CLDN14: variants seen among roughly 807,000 people sequenced by gnomAD.
The protein encoded by CLDN14 is claudin 14.
A neutral mutation model predicts 2.1 loss-of-function variants in CLDN14; 2 were observed. The observed-to-expected ratio is 0.96, with a 90% CI of 0.39 to 3.01. CLDN14 has a LOEUF of 3.01. CLDN14 is among the 30% of genes most tolerant of loss of function. The pLI is 0.09. For missense variants in CLDN14, 298 were observed against 328.0 expected, an observed-to-expected ratio of 0.91 and a Z score of 0.71; for synonymous variants, 136 against 154.4, an observed-to-expected ratio of 0.88 and a Z score of 0.88.
Position 36,464,914 on chromosome 21 carries a change from G to T in CLDN14, c.-81-3138C>A, listed in dbSNP as rs1158755535. ...TCAATGACATAGGACTGAAGTTAGTGTAAGGGCTGAGGGATGGTGTGAGCA... is the reference window on the plus strand; with the variant it reads ...TCAATGACATAGGACTGAAGTTAGTTTAAGGGCTGAGGGATGGTGTGAGCA... On this transcript the variant is annotated intron_variant, in intron 1 of 1. Transcript: ENST00000399135. 2.6e-5 allele frequency among the ~76,000 whole-genome samples: 4 copies of T among 152,212 alleles called. No individual in the cohort carries two copies. In the East Asian group the frequency reaches 7.7e-4, roughly 29 times the overall value.
intron 1 of CLDN14, among the ~76,000 whole-genome samples, chr21:36,472,480 A>G (rs2086721937): frequency 6.6e-6 from 1 of 152,210 alleles, no homozygotes; most frequent in Non-Finnish European, 1.5e-5. Flanking sequence ...GCCCAGATAT[A>G]TGATTGAACA....
intron 2 of CLDN14, among the ~76,000 whole-genome samples, chr21:36,497,840 G>A (rs978761044): frequency 3.3e-5 from 5 of 152,146 alleles, no homozygotes; most frequent in South Asian, 2.1e-4. Context: ...GTGTTATTCC[G>A]GGGGGCTGGG....
At chr21:36,541,893 A>ACC (rs10712046) in intron 1 of CLDN14, among the ~76,000 whole-genome samples, 34 of 151,366 alleles carry the variant, frequency 2.2e-4, no homozygotes, top group East Asian at 9.7e-4. Flanking sequence ...TTCTTTTGTT[A>ACC]CCCCCCCCCA....
chr21:36,562,279 G>A (rs995124273), intron 1 of CLDN14, among the ~76,000 whole-genome samples: 2 of 152,140 alleles, frequency 1.3e-5, no homozygotes, highest in Admixed American at 1.3e-4. Flanking sequence ...GGGGCTTCAT[G>A]AGCCTGCATC....
chr21:36,502,567 T>G (rs1378684831), intron 2 of CLDN14, among the ~76,000 whole-genome samples: 2 of 152,372 alleles, frequency 1.3e-5, no homozygotes, highest in African/African-American at 4.8e-5. Context: ...TTACAGCTAC[T>G]GTTTTACACT....
chr21:36,573,072 C>A (rs1385477004), intron 1 of CLDN14, among the ~76,000 whole-genome samples: 1 of 152,158 alleles, frequency 6.6e-6, no homozygotes, highest in African/African-American at 2.4e-5. Flanking sequence ...AAGGCCGAGG[C>A]AGGTGGATCA....
chr21:36,498,921 G>A lies in CLDN14; in HGVS notation c.-82+11442C>T, dbSNP rs1003812567. ...CCTGTCCCTTTCTTCTAGGTGGTTC[G>A]CTCAGCAAGGGTACTTTTTGTAATT... On this transcript the variant is annotated intron_variant, in intron 2 of 2. Transcript: ENST00000342108. The surrounding 1 kb of genome is among the most constrained non-coding windows in gnomAD (Gnocchi z 4.9). 4.6e-5 allele frequency among the ~76,000 whole-genome samples: 7 copies of A among 152,126 alleles called. No homozygotes were observed. Among genetic ancestry groups the A allele is most frequent in the Admixed American group, 1.3e-4 (2 of 15,278 alleles).
rs905666782 is a variant in CLDN14 at position 36,528,916 on chromosome 21, G to A, written c.-219-18416C>T. On this transcript the variant is annotated intron_variant, in intron 1 of 2. Coordinates refer to the CLDN14 transcript ENST00000342108. ...CCTGGCCCTCCACCAAGCCTGAGGA[G>A]GACGCGAGCTCGGCTGCGGCTGACA... is the stretch of plus-strand genomic sequence containing the variant. Among the ~76,000 whole-genome samples, 37 of 152,204 alleles carry A rather than the reference G, an allele frequency of 2.4e-4. 1 individual carries two copies. The highest frequency in any genetic ancestry group is 4.6e-4 in the Admixed American group (7 of 15,276).
intron 1 of CLDN14, among the ~76,000 whole-genome samples, chr21:36,468,144 G>A (rs898788943): frequency 1.9e-4 from 29 of 152,192 alleles, no homozygotes; most frequent in African/African-American, 7.0e-4. Flanking sequence ...GAAAAATGAA[G>A]TGCCACCTTC....
chr21:36,466,798 G>A (rs185311480), intron 1 of CLDN14, among the ~76,000 whole-genome samples: 1 of 152,314 alleles, frequency 6.6e-6, no homozygotes, highest in Admixed American at 6.5e-5. Context: ...TTTGAGACAA[G>A]GCAAGTCCCT....
intron 1 of CLDN14, among the ~76,000 whole-genome samples, chr21:36,513,201 G>A (rs945452756): frequency 5.3e-5 from 8 of 152,200 alleles, no homozygotes; most frequent in Non-Finnish European, 2.9e-5. Context: ...CAATGAGATT[G>A]GAGGAACTGT....
At position 36,461,267 on chromosome 21, in the gene CLDN14, C is replaced by T. The variant is rs1163053267; in HGVS notation, c.429G>A (p.Val143=). Residue 143 remains valine, a synonymous_variant, in exon 2 of 2, where the codon GTG becomes GTA. Coordinates refer to ENST00000399135, the MANE Select transcript of CLDN14 (RefSeq NM_001146079.2). The stretch of plus-strand genomic sequence containing the variant: ...GCAGCGGGTTGTAGAAGTTCTGCAC[C>T]ACGTCGTTGGTGGTCCAGGAGACGG... ...MVAVSWTTND[V]VQNFYNPLLP... 3 of 1,613,878 alleles carry T rather than the reference C, an allele frequency of 1.9e-6. No individual in the cohort carries two copies. The highest frequency in any genetic ancestry group is 1.7e-5 in the Admixed American group (1 of 60,024).
chr21:36,501,678 G>A (rs1210276275), intron 2 of CLDN14, among the ~76,000 whole-genome samples: 2 of 152,094 alleles, frequency 1.3e-5, no homozygotes, highest in Non-Finnish European at 2.9e-5. Context: ...AAACTCACAC[G>A]TTCAACCCAG....
chr21:36,464,966 C>T (rs1212338243), intron 1 of CLDN14, among the ~76,000 whole-genome samples: 1 of 152,214 alleles, frequency 6.6e-6, no homozygotes, highest in Non-Finnish European at 1.5e-5. Flanking sequence ...ACAGAGATCT[C>T]AGAACAATGG....
At chr21:36,545,138 T>C (rs1255063521) in intron 1 of CLDN14, among the ~76,000 whole-genome samples, 1 of 152,222 alleles carries the variant, frequency 6.6e-6, no homozygotes, top group Non-Finnish European at 1.5e-5. Context: ...TGTGACTCTC[T>C]CTTTTTTGCA....
intron 1 of CLDN14, among the ~76,000 whole-genome samples, chr21:36,523,783 GAA>G (rs771862371): frequency 0.24 from 4,479 of 18,432 alleles, 589 homozygotes; most frequent in Non-Finnish European, 0.43. Flanking sequence ...GAGAAAGAGA[GAA>G]AGAAAGAAAG....
At chr21:36,500,959 C>T (rs1183082496) in intron 2 of CLDN14, among the ~76,000 whole-genome samples, 3 of 152,228 alleles carry the variant, frequency 2.0e-5, no homozygotes, top group Admixed American at 6.5e-5. Context: ...ATGATTAGAT[C>T]GCATTTAATG....
intron 2 of CLDN14, among the ~76,000 whole-genome samples, chr21:36,495,701 C>G (rs1370420023): frequency 6.6e-6 from 1 of 152,234 alleles, no homozygotes; most frequent in Non-Finnish European, 1.5e-5. Flanking sequence ...AACCCATGCA[C>G]TGAGTTAGAG....
At chr21:36,527,024 A>C (rs770489947) in intron 1 of CLDN14, among the ~76,000 whole-genome samples, 1 of 152,236 alleles carries the variant, frequency 6.6e-6, no homozygotes, top group African/African-American at 2.4e-5. Flanking sequence ...GTCATTTTCA[A>C]CTACAGAGAT....
Sources: allele counts gnomAD v4.1 joint callset (sites outside exome capture counted in the v4.1 genomes callset), GRCh38; gene constraint gnomAD v4.1.1; non-coding constraint Gnocchi (gnomAD v3.1); transcripts MANE v1.5; gene names NCBI Gene and HGNC (gene_info 2026-07-23, HGNC 2026-07-21).